Variants in THSD7A observed in about 807,000 individuals in gnomAD.
THSD7A encodes thrombospondin type 1 domain containing 7A, also known as thrombospondin type-1 domain-containing protein 7A.
Under a neutral mutation model 231.3 loss-of-function variants are expected in THSD7A, and 96 were observed. The ratio of observed to expected loss-of-function variants is 0.41; its 90% CI spans 0.35 to 0.49. THSD7A has a LOEUF of 0.49. Ranked by LOEUF, THSD7A falls within the 20% of genes least tolerant of loss-of-function variation. The pLI is 0.05. For synonymous variants in THSD7A, 940 were observed against 743.3 expected, an observed-to-expected ratio of 1.26 and a Z score of -4.30; for missense variants, 2,290 against 2,070.2, an observed-to-expected ratio of 1.11 and a Z score of -2.06.
chr7:11,751,875 C>T lies in THSD7A; in HGVS notation c.190+79882G>A, dbSNP rs1782513573. On this transcript the variant is annotated intron_variant, in intron 1 of 27. Coordinates refer to ENST00000423059, the MANE Select transcript of THSD7A (RefSeq NM_015204.3). ...GTCGGGACTGTCCCTTACTGACACT[C>T]CCCAAAGACTGATGAGTTTACTTAC... 2.0e-5 allele frequency among the ~76,000 whole-genome samples: 3 copies of T among 152,160 alleles called. No homozygotes were observed. In the South Asian group the frequency reaches 6.2e-4, roughly 32 times the overall value.
intron 15 of THSD7A, among the ~76,000 whole-genome samples, chr7:11,425,049 G>T (rs539198918): frequency 6.6e-6 from 1 of 152,278 alleles, no homozygotes; most frequent in African/African-American, 2.4e-5. Flanking sequence ...TACATTGCAG[G>T]TGTAAATCTG....
At chr7:11,504,618 T>C (rs1183851800) in intron 6 of THSD7A, among the ~76,000 whole-genome samples, 3 of 152,202 alleles carry the variant, frequency 2.0e-5, no homozygotes, top group Non-Finnish European at 4.4e-5. Flanking sequence ...GTCCAGGATG[T>C]GGCAGGTAAG....
At chr7:11,517,026 C>T (rs1788058646) in intron 6 of THSD7A, among the ~76,000 whole-genome samples, 2 of 146,802 alleles carry the variant, frequency 1.4e-5, no homozygotes, top group South Asian at 4.2e-4. Context: ...CCATCTGTCA[C>T]ATTCATAGGT....
At chr7:11,809,332 C>T (rs1243685584) in intron 1 of THSD7A, among the ~76,000 whole-genome samples, 2 of 152,140 alleles carry the variant, frequency 1.3e-5, no homozygotes, top group Non-Finnish European at 2.9e-5. Context: ...CTTCATAGAG[C>T]AAGTGGTATT....
intron 2 of THSD7A, among the ~76,000 whole-genome samples, chr7:11,594,932 G>A (rs772508001): frequency 2.6e-5 from 4 of 152,196 alleles, no homozygotes; most frequent in Non-Finnish European, 2.9e-5. Context: ...GAATGCAGAC[G>A]TGTGGGGGGA....
chr7:11,519,112 T>G (rs1008096106), intron 6 of THSD7A, among the ~76,000 whole-genome samples: 1 of 152,176 alleles, frequency 6.6e-6, no homozygotes, highest in African/African-American at 2.4e-5. Context: ...ATTTTTTGGT[T>G]TATATATAAT....
At chr7:11,650,560 T>C (rs1200581259) in intron 1 of THSD7A, among the ~76,000 whole-genome samples, 1 of 152,018 alleles carries the variant, frequency 6.6e-6, no homozygotes, top group African/African-American at 2.4e-5. Context: ...CCCTCACAAC[T>C]TCAAGTTGTG....
rs369589176 is a variant in THSD7A, at chr7:11,411,165, G to A, written c.3798+42C>T. ...GCTCAGCATGAATTGAAATTATTAGGGAAGAATTTACTCGCGAAGATATAA... is the reference window on the plus strand; with the variant it reads ...GCTCAGCATGAATTGAAATTATTAGAGAAGAATTTACTCGCGAAGATATAA... On this transcript the variant is annotated intron_variant, in intron 19 of 27. Transcript: ENST00000423059. This position sits in a 1 kb window ranked among gnomAD's most constrained non-coding sequence, Gnocchi z 4.1. 29 of 1,468,668 alleles carry A rather than the reference G, an allele frequency of 2.0e-5. No individual in the cohort carries two copies. The highest frequency in any genetic ancestry group is 2.8e-5 in the African/African-American group (2 of 71,882). The allele number at this position is 1,468,668 out of a possible 1,614,324, so 91.0% of individuals were successfully genotyped here.
At chr7:11,597,290 A>G (rs1780398232) in intron 2 of THSD7A, among the ~76,000 whole-genome samples, 1 of 152,198 alleles carries the variant, frequency 6.6e-6, no homozygotes, top group Non-Finnish European at 1.5e-5. Context: ...TACAACCAAG[A>G]AAGAGGCACA....
chr7:11,585,088 G>A (rs1275079492), intron 4 of THSD7A, among the ~76,000 whole-genome samples: 1 of 152,198 alleles, frequency 6.6e-6, no homozygotes, highest in Non-Finnish European at 1.5e-5. Flanking sequence ...CTTCTGAGCT[G>A]CCTCATGATA....
chr7:11,830,956 T>C (rs1785174209), intron 1 of THSD7A, among the ~76,000 whole-genome samples: 1 of 152,234 alleles, frequency 6.6e-6, no homozygotes, highest in African/African-American at 2.4e-5. Flanking sequence ...GAATTCTCAA[T>C]GTTTTTTTAA....
At chr7:11,663,252 A>G (rs567976229) in intron 1 of THSD7A, among the ~76,000 whole-genome samples, 7 of 151,570 alleles carry the variant, frequency 4.6e-5, no homozygotes, top group South Asian at 2.1e-4. Flanking sequence ...CTTATGCCAC[A>G]TAAGTTTGAA....
At chr7:11,453,393 C>CT (rs1785205167) in intron 11 of THSD7A, among the ~76,000 whole-genome samples, 1 of 150,870 alleles carries the variant, frequency 6.6e-6, no homozygotes. Context: ...AGGGTGAGGA[C>CT]TCCTAGGGCC....
intron 6 of THSD7A, among the ~76,000 whole-genome samples, chr7:11,525,309 T>G (rs959986597): frequency 3.3e-5 from 5 of 152,090 alleles, no homozygotes; most frequent in Admixed American, 6.6e-5. Context: ...ATGAACATAT[T>G]AAAAATACCA....
chr7:11,536,211 C>G (rs974420136), intron 6 of THSD7A, among the ~76,000 whole-genome samples: 6 of 152,182 alleles, frequency 3.9e-5, no homozygotes, highest in Non-Finnish European at 8.8e-5. Flanking sequence ...GACTGGAAAA[C>G]TGCATATTCT....
intron 1 of THSD7A, among the ~76,000 whole-genome samples, chr7:11,701,205 G>A (rs1251281595): frequency 6.6e-6 from 1 of 150,734 alleles, no homozygotes; most frequent in Non-Finnish European, 1.5e-5. Context: ...TTTTATGAGG[G>A]ATGTTGCACA....
At chr7:11,782,476 G>A (rs576545201) in intron 1 of THSD7A, among the ~76,000 whole-genome samples, 4 of 152,188 alleles carry the variant, frequency 2.6e-5, no homozygotes, top group South Asian at 2.1e-4. Flanking sequence ...AGTATTTACC[G>A]AAATGAATTG....
Position 11,706,567 on chromosome 7 carries a change from T to C in THSD7A, c.191-69606A>G, listed in dbSNP as rs1439829852. 2.0e-5 allele frequency among the ~76,000 whole-genome samples: 3 copies of C among 150,106 alleles called. No individual in the cohort carries two copies. In the East Asian group the frequency reaches 5.9e-4, roughly 30 times the overall value. On this transcript the variant is annotated intron_variant, in intron 1 of 27. Transcript: ENST00000423059. ...TATACTTATAATCTGTTAGTCTAGA[T>C]TACTCTTTATATAATTTGCCACCAC...
At chr7:11,484,528 TTTAA>T (rs1786566193) in intron 6 of THSD7A, among the ~76,000 whole-genome samples, 1 of 152,176 alleles carries the variant, frequency 6.6e-6, no homozygotes, top group African/African-American at 2.4e-5. Flanking sequence ...TAGAAACTAT[TTTAA>T]TTAATTGGTT....
Sources: gnomAD v4.1 joint callset for allele counts (sites outside exome capture counted in the v4.1 genomes callset) on GRCh38, gnomAD v4.1.1 for gene constraint, Gnocchi (gnomAD v3.1) non-coding constraint, MANE v1.5 for transcripts, NCBI Gene and HGNC (gene_info 2026-07-23, HGNC 2026-07-21) for gene names.